SRGAP2C: variants seen among roughly 807,000 people sequenced by gnomAD.
The protein encoded by SRGAP2C is SLIT-ROBO Rho GTPase-activating protein 2C.
Under a neutral mutation model 25.1 loss-of-function variants are expected in SRGAP2C, and 15 were observed. The observed-to-expected ratio is 0.60, with a 90% CI of 0.40 to 0.92. SRGAP2C has a LOEUF of 0.92. Ranked by LOEUF, SRGAP2C falls within the 40% of genes least tolerant of loss-of-function variation. SRGAP2C has a pLI of 0.00. For synonymous variants in SRGAP2C, 44 were observed against 96.6 expected, an observed-to-expected ratio of 0.46 and a Z score of 3.19; for missense variants, 144 against 264.4, an observed-to-expected ratio of 0.54 and a Z score of 3.16.
chr1:121,222,745 A>G (rs1214549306), intron 2 of SRGAP2C, among the ~76,000 whole-genome samples: 1 of 152,228 alleles, frequency 6.6e-6, no homozygotes, highest in Non-Finnish European at 1.5e-5. Flanking sequence ...ACCACCTACC[A>G]TCAGACGGGA....
At chr1:121,192,074 G>A (rs1350010531) in intron 2 of SRGAP2C, among the ~76,000 whole-genome samples, 1 of 151,810 alleles carries the variant, frequency 6.6e-6, no homozygotes, top group Non-Finnish European at 1.5e-5. Context: ...TAAAACTGGA[G>A]TCATATTGTG....
intron 2 of SRGAP2C, among the ~76,000 whole-genome samples, chr1:121,233,068 C>T (rs1655857761): frequency 8.2e-6 from 1 of 121,330 alleles, no homozygotes; most frequent in South Asian, 3.2e-4. Context: ...TCATGGGAGC[C>T]CTTGATCTGG....
intron 3 of SRGAP2C, among the ~76,000 whole-genome samples, chr1:121,315,404 G>A (rs1473544026): frequency 6.9e-6 from 1 of 144,934 alleles, no homozygotes; most frequent in African/African-American, 2.6e-5. Flanking sequence ...GCAGAGCTAA[G>A]CCTAGACTCT....
chr1:121,298,233 T>A (rs1657638012), intron 3 of SRGAP2C, among the ~76,000 whole-genome samples: 1 of 151,348 alleles, frequency 6.6e-6, no homozygotes, highest in Non-Finnish European at 1.5e-5. Flanking sequence ...GTGGGTTACT[T>A]TTAGATCCAG....
chr1:121,328,122 A>G (rs1180539540), intron 4 of SRGAP2C, among the ~76,000 whole-genome samples: 1 of 152,058 alleles, frequency 6.6e-6, no homozygotes, highest in East Asian at 1.9e-4. Flanking sequence ...TAAGCAAATG[A>G]AGACCAGATT....
intron 5 of SRGAP2C, among the ~76,000 whole-genome samples, chr1:121,368,036 AC>A (rs1156964360): frequency 1.8e-5 from 2 of 112,264 alleles, no homozygotes; most frequent in African/African-American, 7.1e-5. Context: ...AGATTGTGCC[AC>A]TGCACTCCAG....
intron 3 of SRGAP2C, among the ~76,000 whole-genome samples, chr1:121,296,058 G>A (rs1260716519): frequency 9.9e-6 from 1 of 101,372 alleles, no homozygotes; most frequent in Non-Finnish European, 2.0e-5. Context: ...TCTGTGCCCA[G>A]CTGAAATCTA....
chr1:121,221,908 G>A (rs1655534605), intron 2 of SRGAP2C, among the ~76,000 whole-genome samples: 1 of 151,900 alleles, frequency 6.6e-6, no homozygotes, highest in Non-Finnish European at 1.5e-5. Context: ...CATGGAGCTG[G>A]CTCCTTGAAA....
intron 2 of SRGAP2C, among the ~76,000 whole-genome samples, chr1:121,259,669 A>G (rs1456096882): frequency 6.6e-6 from 1 of 151,624 alleles, no homozygotes; most frequent in Non-Finnish European, 1.5e-5. Context: ...TCAATACAAT[A>G]AAGATCTCTG....
At chr1:121,304,085 C>T (rs1373060504) in intron 3 of SRGAP2C, among the ~76,000 whole-genome samples, 5 of 151,638 alleles carry the variant, frequency 3.3e-5, no homozygotes, top group Non-Finnish European at 5.9e-5. Context: ...GTGGCAGGCA[C>T]ATGTGGTCCC....
intron 3 of SRGAP2C, among the ~76,000 whole-genome samples, chr1:121,286,635 T>A (rs1437566770): frequency 1.3e-5 from 2 of 152,362 alleles, no homozygotes; most frequent in South Asian, 2.1e-4. Context: ...GTATCTCAGG[T>A]CCTACTCCAG....
At chr1:121,304,497 CT>C (rs1402643484) in intron 3 of SRGAP2C, among the ~76,000 whole-genome samples, 3 of 148,874 alleles carry the variant, frequency 2.0e-5, no homozygotes, top group Middle Eastern at 3.4e-3. Context: ...CTGCTCAGCT[CT>C]TGGTGGGGGC....
chr1:121,249,575 TATA>T (rs1182885318), intron 2 of SRGAP2C, among the ~76,000 whole-genome samples: 135 of 18,338 alleles, frequency 7.4e-3, no homozygotes, highest in Admixed American at 0.011. Context: ...TATATATATA[TATA>T]TATTTTTTTT....
At chr1:121,376,314 A>C in intron 7 of SRGAP2C, among the ~76,000 whole-genome samples, 1 of 55,770 alleles carries the variant, frequency 1.8e-5, no homozygotes, top group Non-Finnish European at 3.5e-5. Context: ...TGGCCCGACC[A>C]CTCTTGCTTT....
chr1:121,260,403 G>A (rs1553333325), intron 2 of SRGAP2C, among the ~76,000 whole-genome samples: 1 of 151,952 alleles, frequency 6.6e-6, no homozygotes, highest in Admixed American at 6.6e-5. Context: ...GAAGCAGAGT[G>A]CTCTGGTGGG....
At chr1:121,368,514 G>A (rs1325146102) in intron 5 of SRGAP2C, among the ~76,000 whole-genome samples, 1 of 151,182 alleles carries the variant, frequency 6.6e-6, no homozygotes, top group East Asian at 2.0e-4. Flanking sequence ...GTGACTAACT[G>A]TCCCTCTTTG....
chr1:121,264,753 C>T lies in SRGAP2C; in HGVS notation c.68-20050C>T, dbSNP rs587663253. Among the ~76,000 whole-genome samples, 963 of 147,184 alleles carry T rather than the reference C, an allele frequency of 6.5e-3. 17 individuals are homozygous for T. The highest frequency in any genetic ancestry group is 0.035 in the Middle Eastern group (10 of 284). On this transcript the variant is annotated intron_variant, in intron 2 of 9. Coordinates refer to ENST00000367123, the MANE Select transcript of SRGAP2C (RefSeq NM_001329984.2). ...CATCGTCTTTTTCCCCGATAATGGG[C>T]TTTTTACATTGCAATTACTTCTTAT...
chr1:121,273,771 G>T (rs1211481412), intron 2 of SRGAP2C, among the ~76,000 whole-genome samples: 2 of 151,814 alleles, frequency 1.3e-5, no homozygotes, highest in African/African-American at 4.8e-5. Context: ...GATTCTTGGA[G>T]CCTCCACTTC....
intron 7 of SRGAP2C, 33 bp downstream of exon 7, chr1:121,374,987 C>G (rs147324080): frequency 5.2e-5 from 40 of 767,520 alleles, no homozygotes; most frequent in Non-Finnish European, 8.8e-5. Context: ...CTGAGGGCCC[C>G]TCTTTTCTGG....
Sources: gnomAD v4.1 joint callset for allele counts (sites outside exome capture counted in the v4.1 genomes callset) on GRCh38, gnomAD v4.1.1 for gene constraint, MANE v1.5 for transcripts, NCBI Gene and HGNC (gene_info 2026-07-23, HGNC 2026-07-21) for gene names.